Variants in RGS12 observed in about 807,000 individuals in gnomAD.
RGS12 encodes the protein regulator of G-protein signaling 12.
In RGS12, 66 loss-of-function variants were observed where a neutral mutation model predicts 120.1. The ratio of observed to expected loss-of-function variants is 0.55; its 90% CI spans 0.45 to 0.67. RGS12 has a LOEUF of 0.67. Among genes scored for constraint, RGS12 ranks in the 30% least tolerant of loss-of-function variants. RGS12 has a pLI of 0.00. For missense variants in RGS12, 1,859 were observed against 1,957.7 expected (o/e 0.95, Z 0.95); for synonymous variants, 827 against 804.7 (o/e 1.03, Z -0.47).
chr4:3,433,481 C>T lies in RGS12; in HGVS notation c.4114+2526C>T, dbSNP rs1485662950. The stretch of plus-strand genomic sequence containing the variant: ...CTAGCCCCAGTGCCACATGCCACAC[C>T]ACCCCATCCTAGCCCCAGCACCACG... On this transcript the variant is annotated intron_variant, in intron 17 of 17. Transcript: ENST00000336727. The surrounding 1 kb of genome is among the most constrained non-coding windows in gnomAD (Gnocchi z 4.4). Among the ~76,000 whole-genome samples the T allele has an allele frequency of 6.6e-6, 1 of 151,810 alleles. No individual in the cohort carries two copies. The highest frequency in any genetic ancestry group is 2.4e-5 in the African/African-American group (1 of 41,276).
At chr4:3,420,596 A>G in intron 9 of RGS12, 46 bp from the exon 10 acceptor site, 1 of 1,593,076 alleles carries the variant, frequency 6.3e-7, no homozygotes, top group South Asian at 1.1e-5. Context: ...GTGACCGAAT[A>G]AACAGGGTTC....
intron 2 of RGS12, among the ~76,000 whole-genome samples, chr4:3,339,872 A>G (rs1181074505): frequency 6.6e-6 from 1 of 152,170 alleles, no homozygotes; most frequent in Non-Finnish European, 1.5e-5. Context: ...CCCTCCCTTC[A>G]TGGCCCTCCC....
At chr4:3,380,395 A>C (rs1718136018) in intron 3 of RGS12, among the ~76,000 whole-genome samples, 1 of 152,116 alleles carries the variant, frequency 6.6e-6, no homozygotes, top group African/African-American at 2.4e-5. Flanking sequence ...TACCATTTTG[A>C]GGTGTGGAGG....
intron 1 of RGS12, chr4:3,312,817 G>C (rs933148994): frequency 9.6e-5 from 20 of 209,168 alleles, no homozygotes; most frequent in Admixed American, 7.3e-4. Flanking sequence ...CCAGAAGGAG[G>C]TGAAGGGCAA....
At chr4:3,323,209 G>A (rs560020342) in intron 2 of RGS12, among the ~76,000 whole-genome samples, 2 of 152,368 alleles carry the variant, frequency 1.3e-5, no homozygotes, top group East Asian at 3.9e-4. Context: ...GAGGGGTGCC[G>A]TGGCGCCTCG....
chr4:3,295,451 A>C (rs917694448), intron 1 of RGS12, among the ~76,000 whole-genome samples: 1 of 152,124 alleles, frequency 6.6e-6, no homozygotes, highest in African/African-American at 2.4e-5. Context: ...ACCTGAGGTC[A>C]GGAGTTCGAG....
chr4:3,366,280 C>T lies in RGS12; in HGVS notation c.1999-20136C>T, dbSNP rs987534933. 6.6e-6 allele frequency among the ~76,000 whole-genome samples: 1 copy of T among 152,060 alleles called. No homozygotes were observed. The highest frequency in any genetic ancestry group is 1.5e-5 in the Non-Finnish European group (1 of 67,990). On this transcript the variant is annotated intron_variant, in intron 3 of 17. Transcript: ENST00000336727. The surrounding 1 kb of genome is among the most constrained non-coding windows in gnomAD (Gnocchi z 4.0). ...AGCTGTCTAGTTGGTTATGCGGGGT[C>T]AGGGGTGGAGGGCAGGAGGATGGGA...
Position 3,438,602 on chromosome 4 carries a change from T to C in RGS12, c.4115-853T>C, listed in dbSNP as rs1296883355. On this transcript the variant is annotated intron_variant, in intron 17 of 17. Transcript: ENST00000336727. Reference sequence around the variant, plus strand: ...TCGTTGGCCCCTGGGGACTCCACCCTGGCATAGACACAACTGTGTCTTCCA... The same window carrying C: ...TCGTTGGCCCCTGGGGACTCCACCCCGGCATAGACACAACTGTGTCTTCCA... Among the ~76,000 whole-genome samples, 3 of 152,124 alleles carry C rather than the reference T, an allele frequency of 2.0e-5. No individual in the cohort carries two copies. The East Asian group carries it at 5.8e-4, about 29-fold the overall frequency.
chr4:3,367,044 C>G (rs1010715324), intron 3 of RGS12, among the ~76,000 whole-genome samples: 21 of 152,254 alleles, frequency 1.4e-4, no homozygotes, highest in Non-Finnish European at 2.6e-4. Context: ...CATCTGCGAA[C>G]TCCTCCAATC....
chr4:3,317,427 C>T lies in RGS12; in HGVS notation c.1257C>T (p.Ser419=), dbSNP rs1292689553. The change falls in exon 2 of 18, where the codon AGC becomes AGT. Residue 419 remains serine (S), a synonymous_variant. Coordinates refer to ENST00000336727, the MANE Select transcript of RGS12 (RefSeq NM_001394154.1). The part of the protein sequence containing the change: ...DADAHQNNST[S]SNSDSGIGNF... ...ATGCCCACCAGAACAACAGCACCAGCAGCAACAGTGACAGCGGCATTGGGA... is the reference window on the plus strand; with the variant it reads ...ATGCCCACCAGAACAACAGCACCAGTAGCAACAGTGACAGCGGCATTGGGA... 1.2e-6 allele frequency: 2 copies of T among 1,613,992 alleles called. No homozygotes were observed. Among genetic ancestry groups the T allele is most frequent in the Non-Finnish European group, 1.7e-6 (2 of 1,180,046 alleles).
chr4:3,329,038 T>G (rs1032145246), intron 2 of RGS12, among the ~76,000 whole-genome samples: 3 of 152,164 alleles, frequency 2.0e-5, no homozygotes, highest in African/African-American at 7.2e-5. Context: ...GCTCAGCTGT[T>G]GGATTCCAGG....
intron 3 of RGS12, among the ~76,000 whole-genome samples, chr4:3,381,315 A>T (rs1246318703): frequency 6.6e-6 from 1 of 152,224 alleles, no homozygotes; most frequent in East Asian, 1.9e-4. Flanking sequence ...TGAGCCCTCC[A>T]AACAGTTCCA....
In RGS12 at chr4:3,374,885, G is replaced by T. The variant is rs1717469164; in HGVS notation, c.1999-11531G>T. On this transcript the variant is annotated intron_variant, in intron 3 of 17. Transcript: ENST00000336727. The surrounding 1 kb of genome is among the most constrained non-coding windows in gnomAD (Gnocchi z 6.3). ...GCCTTGGACTGGGCTCTGCGGGGCAGGGCTGCCAGTTTGGGGTTTGCATGT... is the reference window on the plus strand; with the variant it reads ...GCCTTGGACTGGGCTCTGCGGGGCATGGCTGCCAGTTTGGGGTTTGCATGT... Among the ~76,000 whole-genome samples, 3 of 152,158 alleles carry T rather than the reference G, an allele frequency of 2.0e-5. No individual in the cohort carries two copies. The highest frequency in any genetic ancestry group is 7.2e-5 in the African/African-American group (3 of 41,432).
upstream of RGS12, chr4:3,293,013 G>T (rs1488307026): frequency 1.3e-5 from 2 of 149,784 alleles, no homozygotes; most frequent in Admixed American, 1.3e-4. Context: ...TCGACCCCGG[G>T]GGGCGGTGGC....
At chr4:3,291,089 CT>C (rs1722996330), upstream of RGS12, among the ~76,000 whole-genome samples, 1 of 152,238 alleles carries the variant, frequency 6.6e-6, no homozygotes, top group Admixed American at 6.5e-5. Context: ...TCCCCTACCC[CT>C]GTCCATGAGG....
intron 1 of RGS12, chr4:3,312,862 CA>C (rs2110390988): frequency 5.5e-6 from 1 of 182,474 alleles, no homozygotes; most frequent in South Asian, 1.4e-4. Flanking sequence ...TGAAACAATG[CA>C]AACTGGTTTT....
chr4:3,378,743 A>G (rs1717948279), intron 3 of RGS12, among the ~76,000 whole-genome samples: 1 of 152,216 alleles, frequency 6.6e-6, no homozygotes, highest in South Asian at 2.1e-4. Flanking sequence ...GTTATCAGAA[A>G]GGCAAAAGAT....
intron 3 of RGS12, among the ~76,000 whole-genome samples, chr4:3,351,675 G>A (rs1026864628): frequency 9.9e-5 from 15 of 152,172 alleles, no homozygotes; most frequent in African/African-American, 3.6e-4. Flanking sequence ...GTAGTTAGTT[G>A]CAGTTTTTGA....
At chr4:3,410,567 G>A (rs1156610140) in intron 4 of RGS12, among the ~76,000 whole-genome samples, 2 of 152,222 alleles carry the variant, frequency 1.3e-5, no homozygotes, top group African/African-American at 2.4e-5. Flanking sequence ...GATGAACGAA[G>A]TGCACCCCGG....
Sources: gnomAD v4.1 joint callset for allele counts (sites outside exome capture counted in the v4.1 genomes callset) on GRCh38, gnomAD v4.1.1 for gene constraint, Gnocchi (gnomAD v3.1) non-coding constraint, MANE v1.5 for transcripts, NCBI Gene and HGNC (gene_info 2026-07-23, HGNC 2026-07-21) for gene names.